SH3RF2: variants seen among roughly 807,000 people sequenced by gnomAD.
SH3RF2 encodes E3 ubiquitin-protein ligase SH3RF2.
SH3RF2 carries 43 observed loss-of-function variants against 59.0 expected under a neutral mutation model. The ratio of observed to expected loss-of-function variants is 0.73; its 90% confidence interval spans 0.57 to 0.94. The LOEUF (loss-of-function observed/expected upper bound fraction) is 0.94, where lower values mean the gene tolerates loss of function less well. Ranked by LOEUF, SH3RF2 falls within the 40% of genes least tolerant of loss-of-function variation. SH3RF2 has a pLI of 0.00. For synonymous variants in SH3RF2, 391 were observed against 391.5 expected (o/e 1.00, Z 0.01); for missense variants, 930 against 940.1 (o/e 0.99, Z 0.14).
At chr5:146,007,551 G>A (rs751303996) in intron 4 of SH3RF2, among the ~76,000 whole-genome samples, 2 of 152,156 alleles carry the variant, frequency 1.3e-5, no homozygotes, top group Non-Finnish European at 2.9e-5. Context: ...TTATGGAAAT[G>A]GTTGCCTGGT....
At chr5:145,940,703 G>C (rs1196055966) in intron 2 of SH3RF2, among the ~76,000 whole-genome samples, 1 of 152,200 alleles carries the variant, frequency 6.6e-6, no homozygotes, top group Non-Finnish European at 1.5e-5. Flanking sequence ...TCATCATTAA[G>C]ATTCATTTAG....
intron 5 of SH3RF2, among the ~76,000 whole-genome samples, chr5:146,036,123 G>T (rs1328550360): frequency 1.3e-5 from 2 of 152,144 alleles, no homozygotes; most frequent in African/African-American, 2.4e-5. Context: ...GGAGGGCAAG[G>T]GTTATAATTA....
At position 146,060,096 on chromosome 5, in the gene SH3RF2, G is replaced by A. The variant is rs566012144; in HGVS notation, c.1786G>A (p.Ala596Thr). 14 of 1,614,050 alleles carry A rather than the reference G, an allele frequency of 8.7e-6. No individual in the cohort carries two copies. The highest frequency in any genetic ancestry group is 5.0e-5 in the Admixed American group (3 of 60,004). ...SRGSEAWIHS[A>T]ASSLIMEDKE... ...GGGCAGTGAGGCCTGGATCCACTCC[G>A]CGGCCAGCTCCCTCATTATGGAAGA... Residue 596 changes from alanine (A) to threonine (T), a missense_variant, in exon 9 of 10, where the codon GCG becomes ACG. By Grantham distance (58) the Ala-to-Thr change is moderately conservative (BLOSUM62 0). Transcript: ENST00000359120.
intron 2 of SH3RF2, among the ~76,000 whole-genome samples, chr5:145,996,293 A>G (rs1760146244): frequency 6.6e-6 from 1 of 152,222 alleles, no homozygotes; most frequent in Admixed American, 6.5e-5. Flanking sequence ...ATGCGAGGTG[A>G]TTACATAATC....
chr5:146,064,827 A>G (rs1203608692), downstream of SH3RF2, among the ~76,000 whole-genome samples: 293 of 12,846 alleles, frequency 0.023, 4 homozygotes, highest in Admixed American at 0.025. Context: ...AAAGAAAGAA[A>G]GAAAGAAAGA....
chr5:146,042,315 T>C (rs867472922), intron 5 of SH3RF2, among the ~76,000 whole-genome samples: 8 of 151,904 alleles, frequency 5.3e-5, no homozygotes, highest in African/African-American at 1.9e-4. Context: ...CCACCCACTC[T>C]GTCCCCACCC....
At chr5:146,076,234 C>T (rs1259656196) in intron 9 of SH3RF2, among the ~76,000 whole-genome samples, 6 of 152,150 alleles carry the variant, frequency 3.9e-5, no homozygotes, top group Admixed American at 2.6e-4. Context: ...CACTGCTACT[C>T]GCTTGGGATG....
chr5:145,956,817 G>A (rs1178295783), intron 2 of SH3RF2, among the ~76,000 whole-genome samples: 1 of 152,158 alleles, frequency 6.6e-6, no homozygotes, highest in East Asian at 1.9e-4. Flanking sequence ...AGGTAATTTG[G>A]GAGTTAAAGA....
intron 5 of SH3RF2, among the ~76,000 whole-genome samples, chr5:146,034,062 TTA>T (rs1490919464): frequency 6.6e-6 from 1 of 152,198 alleles, no homozygotes; most frequent in African/African-American, 2.4e-5. Flanking sequence ...CAAATAAAAA[TTA>T]TGTTTGTTGT....
chr5:146,010,888 A>T (rs1222016054), intron 4 of SH3RF2, among the ~76,000 whole-genome samples: 1 of 152,088 alleles, frequency 6.6e-6, no homozygotes, highest in Non-Finnish European at 1.5e-5. Context: ...ATTTAATTAG[A>T]TCCCATTTGT....
rs563971682 is a variant in SH3RF2, at chr5:145,962,832, A to G, written c.378+24526A>G. ...CTCCCTTTAATGGCATCTATTTCTT[A>G]TCTGTTTCTCCTTCTGAATTCAGAG... On this transcript the variant is annotated intron_variant, in intron 2 of 9. Transcript: ENST00000359120. Among the ~76,000 whole-genome samples, 4 of 145,778 alleles carry G rather than the reference A, an allele frequency of 2.7e-5. No individual in the cohort carries two copies. In the East Asian group the frequency reaches 6.1e-4, roughly 22 times the overall value.
At chr5:146,055,864 T>G (rs1580930735) in intron 7 of SH3RF2, 117 bp from the exon 8 acceptor site, 14 of 1,179,710 alleles carry the variant, frequency 1.2e-5, no homozygotes, top group Non-Finnish European at 1.5e-5. Flanking sequence ...GGGAAGAAGG[T>G]GAGAAGTAGC....
intron 2 of SH3RF2, among the ~76,000 whole-genome samples, chr5:145,952,882 A>G (rs1398800143): frequency 1.3e-5 from 2 of 152,298 alleles, no homozygotes; most frequent in African/African-American, 4.8e-5. Flanking sequence ...GAAACAGTAT[A>G]AAACCCAGAC....
intron 5 of SH3RF2, among the ~76,000 whole-genome samples, chr5:146,043,434 G>A (rs1762193242): frequency 6.6e-6 from 1 of 151,938 alleles, no homozygotes; most frequent in Non-Finnish European, 1.5e-5. Context: ...TGTTTCCTGT[G>A]GCCTTAACTA....
In SH3RF2 at chr5:145,964,188, C is replaced by G. The variant is rs183932129; in HGVS notation, c.378+25882C>G. Among the ~76,000 whole-genome samples the G allele has an allele frequency of 1.7e-3, 251 of 149,662 alleles. 1 individual carries two copies. The highest frequency in any genetic ancestry group is 5.7e-3 in the African/African-American group (234 of 40,780). On this transcript the variant is annotated intron_variant, in intron 2 of 9. Transcript: ENST00000359120. ...TTTTTTTCTTTCTTTCTTTTTCTTT[C>G]TTCTTTCTTTTCCTTCCTTCCTTCC...
chr5:145,997,624 C>A, intron 2 of SH3RF2: 4 of 1,589,430 alleles, frequency 2.5e-6, no homozygotes, highest in Non-Finnish European at 2.6e-6. Flanking sequence ...ATTACTTATC[C>A]TCTGGGACTG....
chr5:146,010,407 C>T (rs561468349), intron 4 of SH3RF2, among the ~76,000 whole-genome samples: 2 of 152,178 alleles, frequency 1.3e-5, no homozygotes, highest in South Asian at 4.1e-4. Context: ...AATGGGATGG[C>T]TGGGTCAAAT....
intron 5 of SH3RF2, among the ~76,000 whole-genome samples, chr5:146,015,077 A>C (rs984648372): frequency 3.9e-5 from 6 of 152,076 alleles, no homozygotes; most frequent in Admixed American, 3.9e-4. Context: ...AGGAGCTGTA[A>C]ATTTTGTTTT....
At chr5:146,010,349 G>T (rs1760829354) in intron 4 of SH3RF2, among the ~76,000 whole-genome samples, 1 of 152,218 alleles carries the variant, frequency 6.6e-6, no homozygotes. Context: ...ACGTGTGCAT[G>T]TGTCTTCATA....
Sources: allele counts gnomAD v4.1 joint callset (sites outside exome capture counted in the v4.1 genomes callset), GRCh38; gene constraint gnomAD v4.1.1; transcripts MANE v1.5; gene names NCBI Gene and HGNC (gene_info 2026-07-23, HGNC 2026-07-21).